Variants in PXDNL observed in about 807,000 individuals in gnomAD.
PXDNL encodes the protein peroxidasin like, also known as probable oxidoreductase PXDNL.
PXDNL carries 145 observed loss-of-function variants against 150.8 expected under a neutral mutation model. That is an observed-to-expected ratio of 0.96 (90% CI 0.84 to 1.10). The LOEUF (loss-of-function observed/expected upper bound fraction) is 1.10. PXDNL is among the 50% of genes least tolerant of loss of function. PXDNL has a pLI of 0.00. For synonymous variants in PXDNL, 757 were observed against 725.7 expected (o/e 1.04, Z -0.69); for missense variants, 2,087 against 1,873.9 (o/e 1.11, Z -2.10).
At chr8:51,784,658 C>T (rs780623602) in intron 1 of PXDNL, among the ~76,000 whole-genome samples, 16 of 152,086 alleles carry the variant, frequency 1.1e-4, no homozygotes, top group Admixed American at 4.6e-4. Context: ...CAAAGGAATG[C>T]CTGAACACAC....
Position 51,739,210 on chromosome 8 carries a change from G to GA in PXDNL, c.164+69970dup, listed in dbSNP as rs202105023. On this transcript the variant is annotated intron_variant, in intron 1 of 22. Coordinates refer to ENST00000356297, the MANE Select transcript of PXDNL (RefSeq NM_144651.5). ...AATCCAACATCTGTTCATGATTAAA[G>GA]AAAAAAAAACTTAGAAAACTACAAA... Among the ~76,000 whole-genome samples, 6 of 150,664 alleles carry GA rather than the reference G, an allele frequency of 4.0e-5. No individual in the cohort carries two copies. In the East Asian group the frequency reaches 9.7e-4, roughly 24 times the overall value.
intron 3 of PXDNL, among the ~76,000 whole-genome samples, chr8:51,558,610 A>T (rs1812645904): frequency 6.6e-6 from 1 of 152,130 alleles, no homozygotes; most frequent in Non-Finnish European, 1.5e-5. Context: ...AAGGAGTTTC[A>T]AAACTTAAAA....
At chr8:51,625,570 T>A (rs1054620118) in intron 2 of PXDNL, among the ~76,000 whole-genome samples, 1 of 152,088 alleles carries the variant, frequency 6.6e-6, no homozygotes, top group Non-Finnish European at 1.5e-5. Context: ...GTGAAAAATA[T>A]CAGGGTTCAA....
chr8:51,413,448 G>A (rs1015321929), intron 14 of PXDNL, among the ~76,000 whole-genome samples, 190 bp from the exon 15 acceptor site: 6 of 152,054 alleles, frequency 3.9e-5, no homozygotes. Context: ...TTGAAGCAAG[G>A]CTTCATCTAA....
rs1267583696 is a variant in PXDNL at position 51,700,224 on chromosome 8, C to G, written c.165-45464G>C. 2.0e-5 allele frequency among the ~76,000 whole-genome samples: 3 copies of G among 150,728 alleles called. No individual in the cohort carries two copies. The East Asian group carries it at 5.9e-4, about 30-fold the overall frequency. On this transcript the variant is annotated intron_variant, in intron 1 of 22. Transcript: ENST00000356297. ...TCACACACATATACACAGATGCATA[C>G]AGACACATATACATACCCACACATA... is the stretch of plus-strand genomic sequence containing the variant.
chr8:51,538,542 G>A (rs1332241528), intron 4 of PXDNL, among the ~76,000 whole-genome samples: 2 of 152,130 alleles, frequency 1.3e-5, no homozygotes, highest in Non-Finnish European at 2.9e-5. Flanking sequence ...GAGGCGGGTG[G>A]ATCACCTGAG....
chr8:51,789,012 CCTTTTT>C (rs1451700929), intron 1 of PXDNL, among the ~76,000 whole-genome samples: 1 of 152,098 alleles, frequency 6.6e-6, no homozygotes, highest in African/African-American at 2.4e-5. Context: ...TAGTGCCTTT[CCTTTTT>C]CTTTTTCTTT....
At chr8:51,610,318 C>T (rs1471492731) in intron 2 of PXDNL, among the ~76,000 whole-genome samples, 2 of 151,980 alleles carry the variant, frequency 1.3e-5, no homozygotes, top group Non-Finnish European at 2.9e-5. Flanking sequence ...AGTTCTGGAG[C>T]TATAAAGAAC....
rs1162359412 is a variant in PXDNL at position 51,387,370 on chromosome 8, A to C, written c.3558-12639T>G. Reference sequence around the variant, plus strand: ...TGGGCATGCTCCAGTGAGGGGCTATAAGGAGGTCTCATTTTGTATGCCAGG... The same window carrying C: ...TGGGCATGCTCCAGTGAGGGGCTATCAGGAGGTCTCATTTTGTATGCCAGG... On this transcript the variant is annotated intron_variant, in intron 17 of 22. Coordinates refer to ENST00000356297, the MANE Select transcript of PXDNL (RefSeq NM_144651.5). Among the ~76,000 whole-genome samples, 6 of 152,204 alleles carry C rather than the reference A, an allele frequency of 3.9e-5. No homozygotes were observed. In the East Asian group the frequency reaches 1.2e-3, roughly 29 times the overall value.
chr8:51,662,400 C>G (rs1462250256), intron 1 of PXDNL, among the ~76,000 whole-genome samples: 12 of 152,090 alleles, frequency 7.9e-5, no homozygotes, highest in Non-Finnish European at 1.5e-5. Context: ...CCCCTGTAGT[C>G]CCAGCTACTT....
intron 4 of PXDNL, among the ~76,000 whole-genome samples, chr8:51,544,524 C>CTGAT (rs1415459103): frequency 6.6e-6 from 1 of 152,118 alleles, no homozygotes; most frequent in Non-Finnish European, 1.5e-5. Flanking sequence ...CAAATTTCTC[C>CTGAT]TGATGTAGCC....
chr8:51,323,920 AAAAAT>A (rs1190979309), intron 21 of PXDNL, among the ~76,000 whole-genome samples: 2 of 128,486 alleles, frequency 1.6e-5, no homozygotes, highest in Admixed American at 1.4e-4. Context: ...TCATCTCAAA[AAAAAT>A]AAAATAAAAT....
In PXDNL at chr8:51,744,928, AAAAGAAAGAAAG is replaced by A. The variant is rs1193132745; in HGVS notation, c.164+64241_164+64252del. On this transcript the variant is annotated intron_variant, in intron 1 of 22. Coordinates refer to ENST00000356297, the MANE Select transcript of PXDNL (RefSeq NM_144651.5). ...AAGGAAGGAAGGAAGGAAAGAAAGA[AAAAGAAAGAAAG>A]AAAGAAAGAAAGAAAGAAAGAAAGA... Among the ~76,000 whole-genome samples the A allele has an allele frequency of 1.0e-3, 91 of 88,332 alleles. 4 individuals carry two copies. Among genetic ancestry groups the A allele is most frequent in the African/African-American group, 4.0e-3 (87 of 21,740 alleles). 57.9% of individuals were successfully genotyped at this position (88,332 alleles called of 152,430 possible).
intron 21 of PXDNL, among the ~76,000 whole-genome samples, chr8:51,338,390 T>A (rs1805894353): frequency 6.6e-6 from 1 of 152,072 alleles, no homozygotes; most frequent in Non-Finnish European, 1.5e-5. Flanking sequence ...AAAGAAGCAA[T>A]CATATTTTAA....
chr8:51,491,650 G>C (rs751701587), intron 5 of PXDNL, among the ~76,000 whole-genome samples: 1 of 152,100 alleles, frequency 6.6e-6, no homozygotes, highest in Non-Finnish European at 1.5e-5. Flanking sequence ...CAGGCAGCAG[G>C]ACTCTCCCCT....
chr8:51,363,520 C>A (rs1806819357), intron 19 of PXDNL, among the ~76,000 whole-genome samples: 1 of 152,024 alleles, frequency 6.6e-6, no homozygotes, highest in African/African-American at 2.4e-5. Flanking sequence ...TGACTGGGGG[C>A]TGCATACACC....
At chr8:51,450,241 G>T (rs548009688) in intron 10 of PXDNL, among the ~76,000 whole-genome samples, 1 of 152,128 alleles carries the variant, frequency 6.6e-6, no homozygotes, top group African/African-American at 2.4e-5. Context: ...CACTGTCATC[G>T]CCATCTTGCT....
chr8:51,357,984 G>A (rs1344830777), intron 19 of PXDNL, among the ~76,000 whole-genome samples: 1 of 152,176 alleles, frequency 6.6e-6, no homozygotes, highest in Non-Finnish European at 1.5e-5. Flanking sequence ...AAACTAGGGA[G>A]TCTGGGATGG....
chr8:51,489,437 T>G (rs1457125585), intron 5 of PXDNL, among the ~76,000 whole-genome samples: 4 of 152,146 alleles, frequency 2.6e-5, no homozygotes, highest in Admixed American at 6.5e-5. Flanking sequence ...TGCCTCACCC[T>G]CCCAAGTAGC....
Sources: gnomAD v4.1 joint callset for allele counts (sites outside exome capture counted in the v4.1 genomes callset) on GRCh38, gnomAD v4.1.1 for gene constraint, MANE v1.5 for transcripts, NCBI Gene and HGNC (gene_info 2026-07-23, HGNC 2026-07-21) for gene names.